The following AFF2 variants were observed in gnomAD, a reference collection of about 807,000 sequenced individuals.
The protein encoded by AFF2 is ALF transcription elongation factor 2.
A neutral mutation model predicts 76.9 loss-of-function variants in AFF2; 14 were observed. The ratio of observed to expected loss-of-function variants is 0.18; its 90% CI spans 0.12 to 0.28. The LOEUF is 0.28. Among genes scored for constraint, AFF2 ranks in the 10% least tolerant of loss-of-function variants. AFF2 has a pLI of 1.00. For missense variants in AFF2, 868 were observed against 1,001.1 expected, an observed-to-expected ratio of 0.87 and a Z score of 1.79; for synonymous variants, 398 against 366.7, an observed-to-expected ratio of 1.09 and a Z score of -0.98.
chrX:148,951,099 A>G (rs188448511), intron 9 of AFF2, among the ~76,000 whole-genome samples: 1,533 of 111,028 alleles, frequency 0.014, 20 homozygotes, highest in African/African-American at 0.047. Flanking sequence ...AAAACATCCG[A>G]ATACTAAAAT....
At chrX:148,741,329 G>C (rs1426459781) in intron 3 of AFF2, among the ~76,000 whole-genome samples, 3 of 110,713 alleles carry the variant, frequency 2.7e-5, no homozygotes, top group African/African-American at 9.9e-5. Flanking sequence ...TGTGGGGGAT[G>C]GGGGTGAGAT....
chrX:148,554,618 T>A (rs1489604596), intron 1 of AFF2, among the ~76,000 whole-genome samples: 2 of 112,536 alleles, frequency 1.8e-5, no homozygotes, highest in African/African-American at 6.5e-5. Flanking sequence ...TAGAATAGAC[T>A]ATTGTTTCTC....
At chrX:148,635,322 C>A (rs1327964114) in intron 1 of AFF2, among the ~76,000 whole-genome samples, 1 of 110,701 alleles carries the variant, frequency 9.0e-6, no homozygotes, top group East Asian at 2.9e-4. Flanking sequence ...GATAGAGGAA[C>A]GGTCGCCAGC....
intron 1 of AFF2, among the ~76,000 whole-genome samples, chrX:148,649,230 T>C (rs1557256019): frequency 3.6e-5 from 4 of 112,167 alleles, no homozygotes; most frequent in African/African-American, 1.3e-4. Context: ...CTCATAATTA[T>C]AAACTGCAGT....
intron 3 of AFF2, among the ~76,000 whole-genome samples, chrX:148,685,950 GAC>G (rs782681315): frequency 1.9e-5 from 2 of 106,241 alleles, no homozygotes; most frequent in East Asian, 2.9e-4. Context: ...CACACACACA[GAC>G]ACACACACAC....
intron 3 of AFF2, among the ~76,000 whole-genome samples, chrX:148,712,113 C>T (rs1379424940): frequency 9.0e-6 from 1 of 111,653 alleles, no homozygotes; most frequent in East Asian, 2.8e-4. Context: ...AGCATGCAGT[C>T]ACATCTGCCT....
intron 3 of AFF2, among the ~76,000 whole-genome samples, chrX:148,803,953 T>C (rs1271764300): frequency 9.0e-6 from 1 of 111,476 alleles, no homozygotes; most frequent in African/African-American, 3.3e-5. Flanking sequence ...TGAGACTCTT[T>C]ACACACTGGG....
chrX:148,950,229 G>GGGC (rs1329777363), intron 9 of AFF2, among the ~76,000 whole-genome samples: 1 of 111,919 alleles, frequency 8.9e-6, no homozygotes, highest in African/African-American at 3.2e-5. Context: ...AGTCCCAACC[G>GGGC]GGCGCAAGGT....
intron 4 of AFF2, among the ~76,000 whole-genome samples, chrX:148,812,398 A>C (rs1401101914): frequency 9.0e-6 from 1 of 111,585 alleles, no homozygotes; most frequent in African/African-American, 3.3e-5. Flanking sequence ...AGGAAGGAGC[A>C]CTAGCCCCGG....
intron 3 of AFF2, among the ~76,000 whole-genome samples, chrX:148,693,516 A>C (rs1030433618): frequency 1.1e-4 from 12 of 111,955 alleles, no homozygotes; most frequent in Non-Finnish European, 2.3e-4. Flanking sequence ...TGGTACATTT[A>C]ATAGATGTTT....
At chrX:148,547,588 C>G (rs1557238335) in intron 1 of AFF2, among the ~76,000 whole-genome samples, 1 of 112,188 alleles carries the variant, frequency 8.9e-6, no homozygotes, top group Non-Finnish European at 1.9e-5. Context: ...TCTCTCATTT[C>G]ATCCTCAAAA....
chrX:148,988,042 C>T (rs781886707), intron 20 of AFF2, among the ~76,000 whole-genome samples: 3 of 111,704 alleles, frequency 2.7e-5, no homozygotes, highest in South Asian at 3.8e-4. Context: ...TTTCACACAC[C>T]GATGGCTGGG....
At chrX:148,501,292 G>T in intron 1 of AFF2, 148 bp downstream of exon 1, 1 of 738,956 alleles carries the variant, frequency 1.4e-6, no homozygotes, top group East Asian at 3.6e-5. Context: ...GGCCCCGGCC[G>T]CGCTGACTCC....
chrX:148,837,278 A>C (rs2070538148), intron 4 of AFF2, among the ~76,000 whole-genome samples: 1 of 112,331 alleles, frequency 8.9e-6, no homozygotes, highest in African/African-American at 3.2e-5. Context: ...GCCAGGGGAT[A>C]GGATTACTAT....
chrX:148,592,753 G>A (rs1603252881), intron 1 of AFF2, among the ~76,000 whole-genome samples: 1 of 111,864 alleles, frequency 8.9e-6, no homozygotes, highest in Non-Finnish European at 1.9e-5. Context: ...GCTTGATGGG[G>A]TTAGGCCCTG....
rs2072605297 is a variant in AFF2 at position 148,996,726 on chromosome X, A to G, written c.*5394A>G. 8.9e-6 allele frequency: 1 copy of G among 112,193 alleles called. No homozygotes were observed. The highest frequency in any genetic ancestry group is 1.9e-5 in the Non-Finnish European group (1 of 53,243). The allele number at this position is 112,193 out of a possible 1,213,427, so 9.2% of individuals were successfully genotyped here. On this transcript the variant is annotated 3_prime_UTR_variant, in exon 21 of 21. Coordinates refer to ENST00000370460, the MANE Select transcript of AFF2 (RefSeq NM_002025.4). ...TTTAAGCAGGAGAATAGCTGAGAAG[A>G]ATGAAGCCCTCCTGAGCTGAAAGGA...
chrX:148,512,294 A>G (rs782818303), intron 1 of AFF2, among the ~76,000 whole-genome samples: 4 of 112,223 alleles, frequency 3.6e-5, no homozygotes, highest in Non-Finnish European at 3.8e-5. Context: ...ATATATTCAG[A>G]CTGTAAGTGG....
At chrX:148,983,965 A>AAAAAAAAAAAAAAAAC (rs1438744109) in intron 19 of AFF2, among the ~76,000 whole-genome samples, 9 of 99,792 alleles carry the variant, frequency 9.0e-5, no homozygotes, top group African/African-American at 3.1e-4. Flanking sequence ...AAAAAAAAAA[A>AAAAAAAAAAAAAAAAC]AAACTGCCCT....
At chrX:148,787,461 A>G (rs1325851256) in intron 3 of AFF2, among the ~76,000 whole-genome samples, 2 of 112,371 alleles carry the variant, frequency 1.8e-5, no homozygotes, top group African/African-American at 3.2e-5. Flanking sequence ...TCAGAAATGT[A>G]TGTAATTTGT....
Sources: allele counts gnomAD v4.1 joint callset (sites outside exome capture counted in the v4.1 genomes callset), GRCh38; gene constraint gnomAD v4.1.1; transcripts MANE v1.5; gene names NCBI Gene and HGNC (gene_info 2026-07-23, HGNC 2026-07-21).